The following SAAL1 variants were observed in gnomAD, a reference collection of about 807,000 sequenced individuals.
SAAL1 encodes the protein serum amyloid A like 1, also known as protein SAAL1.
In SAAL1, 42 loss-of-function variants were observed where a neutral mutation model predicts 59.8. That is an observed-to-expected ratio of 0.70 (90% CI 0.55 to 0.91). The LOEUF is 0.91. Among genes scored for constraint, SAAL1 ranks in the 40% least tolerant of loss-of-function variants. The probability of loss-of-function intolerance (pLI) is 0.00; values close to 1 mark genes in which losing one functional copy is unlikely to be tolerated. For missense variants in SAAL1, 542 were observed against 561.1 expected, an observed-to-expected ratio of 0.97 and a Z score of 0.34; for synonymous variants, 191 against 194.3, an observed-to-expected ratio of 0.98 and a Z score of 0.14.
chr11:18,085,882 G>A (rs184822322), intron 9 of SAAL1, among the ~76,000 whole-genome samples: 71 of 151,914 alleles, frequency 4.7e-4, no homozygotes, highest in East Asian at 2.7e-3. Context: ...GTTATCAAAG[G>A]GGGAAAAAAA....
At chr11:18,103,460 A>C (rs1236476317) in intron 1 of SAAL1, 114 bp from the exon 2 acceptor site, 18 of 813,188 alleles carry the variant, frequency 2.2e-5, no homozygotes, top group Non-Finnish European at 3.7e-5. Context: ...ATGAGAAAAA[A>C]ATTTGATTCC....
chr11:18,095,969 C>T (rs7937884), intron 3 of SAAL1, among the ~76,000 whole-genome samples: 19,185 of 152,144 alleles, frequency 0.13, 1,599 homozygotes, highest in African/African-American at 0.23. Context: ...CTGGCTAAAT[C>T]AGAAGGGTTA....
intron 7 of SAAL1, among the ~76,000 whole-genome samples, chr11:18,088,559 T>A (rs533456543): frequency 2.6e-5 from 4 of 152,324 alleles, no homozygotes; most frequent in Non-Finnish European, 4.4e-5. Context: ...GAAACAATAA[T>A]GGCTTGATTG....
intron 1 of SAAL1, among the ~76,000 whole-genome samples, chr11:18,103,938 T>TAAAGG (rs1848662278): frequency 6.6e-6 from 1 of 152,174 alleles, no homozygotes; most frequent in African/African-American, 2.4e-5. Context: ...AATCAAAGAA[T>TAAAGG]AAAGGTTGTA....
intron 9 of SAAL1, among the ~76,000 whole-genome samples, chr11:18,085,075 A>G (rs561083395): frequency 5.3e-4 from 81 of 152,308 alleles, no homozygotes; most frequent in African/African-American, 1.9e-3. Flanking sequence ...TGTAAAACAT[A>G]TATCTTATAC....
intron 2 of SAAL1, among the ~76,000 whole-genome samples, chr11:18,102,168 G>A (rs1480519678): frequency 1.3e-5 from 2 of 151,010 alleles, no homozygotes; most frequent in Non-Finnish European, 3.0e-5. Context: ...TTGGGAGGCC[G>A]AGGAGGATGG....
At chr11:18,091,929 A>C (rs1848527609) in intron 4 of SAAL1, among the ~76,000 whole-genome samples, 1 of 152,146 alleles carries the variant, frequency 6.6e-6, no homozygotes, top group African/African-American at 2.4e-5. Flanking sequence ...CCCTGCCCCT[A>C]AACTGTTTTG....
At chr11:18,100,890 G>A (rs1210995035) in intron 2 of SAAL1, among the ~76,000 whole-genome samples, 1 of 152,090 alleles carries the variant, frequency 6.6e-6, no homozygotes, top group Non-Finnish European at 1.5e-5. Flanking sequence ...AGACTTATAT[G>A]TAAAACCTAA....
At chr11:18,098,819 A>T (rs754382245) in intron 2 of SAAL1, among the ~76,000 whole-genome samples, 3 of 152,270 alleles carry the variant, frequency 2.0e-5, no homozygotes, top group African/African-American at 7.2e-5. Context: ...TTTAAATTTA[A>T]TGGTAATTCC....
At chr11:18,092,749 G>A (rs1848534759) in intron 3 of SAAL1, among the ~76,000 whole-genome samples, 3 of 152,168 alleles carry the variant, frequency 2.0e-5, no homozygotes, top group African/African-American at 7.2e-5. Context: ...AATACTGCAG[G>A]TATAAAGGAC....
At chr11:18,098,679 T>TA (rs765360574) in intron 2 of SAAL1, among the ~76,000 whole-genome samples, 1 of 152,212 alleles carries the variant, frequency 6.6e-6, no homozygotes, top group Non-Finnish European at 1.5e-5. Flanking sequence ...CTCTACTTAC[T>TA]AAAGGACCAT....
Position 18,089,491 on chromosome 11 carries a change from C to G in SAAL1, c.609G>C (p.Val203=), listed in dbSNP as rs143369700. The change falls in exon 7 of 12, where the codon GTG becomes GTC. Residue 203 remains valine, a synonymous_variant. Transcript: ENST00000524803. ...SSTNVDLLVK[V]GEVVDKLFDL... is the part of the protein sequence containing the mutation. Reference sequence around the variant, plus strand: ...CAAAGAGCTTGTCCACAACCTCCCCCACCTTCACCAGCAAGTCAACTGCAG... The same window carrying G: ...CAAAGAGCTTGTCCACAACCTCCCCGACCTTCACCAGCAAGTCAACTGCAG... The G allele has an allele frequency of 4.3e-6, 7 of 1,610,900 alleles. No homozygotes were observed. The highest frequency in any genetic ancestry group is 1.7e-5 in the Admixed American group (1 of 58,858).
At chr11:18,097,365 TG>T (rs938712453) in intron 2 of SAAL1, among the ~76,000 whole-genome samples, 2 of 151,386 alleles carry the variant, frequency 1.3e-5, no homozygotes, top group African/African-American at 4.9e-5. Flanking sequence ...TCCCAGACAA[TG>T]GAACAATTTC....
rs1247501566 is a variant in SAAL1 at position 18,087,195 on chromosome 11, G to A, written c.801C>T (p.Tyr267=). The A allele has an allele frequency of 6.2e-7, 1 of 1,613,088 alleles. No homozygotes were observed. Among genetic ancestry groups the A allele is most frequent in the East Asian group, 2.2e-5 (1 of 44,852 alleles). Residue 267 remains tyrosine, a synonymous_variant, in exon 8 of 12, where the codon TAC becomes TAT. Coordinates refer to ENST00000524803, the MANE Select transcript of SAAL1 (RefSeq NM_138421.3). The stretch of plus-strand genomic sequence containing the variant: ...TAGTAAGCAGTTGTAAAATGTGCAT[G>A]TAAACATCAAGCCATTCTGGATTTT... ...RSENPEWLDV[Y]MHILQLLTTV...
intron 6 of SAAL1, 124 bp from the exon 7 acceptor site, chr11:18,089,634 G>A (rs570886127): frequency 1.8e-5 from 13 of 716,902 alleles, no homozygotes; most frequent in Non-Finnish European, 2.8e-5. Context: ...ATTCTAAAGG[G>A]TGATTTACTT....
chr11:18,082,599 A>C (rs919267344), intron 10 of SAAL1, among the ~76,000 whole-genome samples: 1 of 149,918 alleles, frequency 6.7e-6, no homozygotes, highest in Non-Finnish European at 1.5e-5. Flanking sequence ...GACAACTAAT[A>C]AAAAAAAAAT....
In SAAL1 at chr11:18,092,734, A is replaced by C. The variant is rs145361953; in HGVS notation, c.334-410T>G. 5.9e-5 allele frequency among the ~76,000 whole-genome samples: 9 copies of C among 152,334 alleles called. No individual in the cohort carries two copies. The South Asian group carries it at 1.2e-3, about 21-fold the overall frequency. On this transcript the variant is annotated intron_variant, in intron 3 of 11. Transcript: ENST00000524803. ...TGGCACAAAGTGGGTGAACAGCATG[A>C]GGTAAATACTGCAGGTATAAAGGAC... is the stretch of plus-strand genomic sequence containing the variant.
intron 1 of SAAL1, among the ~76,000 whole-genome samples, chr11:18,104,160 A>T (rs947528407): frequency 6.6e-6 from 1 of 152,238 alleles, no homozygotes; most frequent in African/African-American, 2.4e-5. Flanking sequence ...TATATCAATT[A>T]GCTATGGTAA....
At chr11:18,105,205 C>T (rs904474502) in intron 1 of SAAL1, among the ~76,000 whole-genome samples, 20 of 152,082 alleles carry the variant, frequency 1.3e-4, no homozygotes, top group African/African-American at 4.3e-4. Context: ...GGTCTTACTC[C>T]GTCCCCCAGC....
Sources: gnomAD v4.1 joint callset for allele counts (sites outside exome capture counted in the v4.1 genomes callset) on GRCh38, gnomAD v4.1.1 for gene constraint, MANE v1.5 for transcripts, NCBI Gene and HGNC (gene_info 2026-07-23, HGNC 2026-07-21) for gene names.